The following SLC12A6 variants were observed in gnomAD, a reference collection of about 807,000 sequenced individuals.
The protein encoded by SLC12A6 is solute carrier family 12 member 6.
In SLC12A6, 66 loss-of-function variants were observed where a neutral mutation model predicts 135.3. The ratio of observed to expected loss-of-function variants is 0.49; its 90% CI spans 0.40 to 0.60. The LOEUF is 0.60. Among genes scored for constraint, SLC12A6 ranks in the 20% least tolerant of loss-of-function variants. The pLI, the probability that SLC12A6 is intolerant of heterozygous loss-of-function variation, is 0.00. For missense variants in SLC12A6, 1,058 were observed against 1,452.3 expected, an observed-to-expected ratio of 0.73 and a Z score of 4.41; for synonymous variants, 513 against 508.8, an observed-to-expected ratio of 1.01 and a Z score of -0.11.
intron 2 of SLC12A6, among the ~76,000 whole-genome samples, chr15:34,306,099 T>C (rs935829789): frequency 3.3e-5 from 5 of 152,296 alleles, no homozygotes; most frequent in Admixed American, 2.0e-4. Context: ...AATATATTGT[T>C]TATTCTAAGT....
intron 3 of SLC12A6, among the ~76,000 whole-genome samples, chr15:34,271,602 T>TACACACACACACACACACACACAC (rs10588100): frequency 6.7e-6 from 1 of 148,826 alleles, no homozygotes; most frequent in Non-Finnish European, 1.5e-5. Flanking sequence ...AGTGCAAAGC[T>TACACACACACACACACACACACAC]ACACACACAC....
intron 2 of SLC12A6, among the ~76,000 whole-genome samples, chr15:34,319,796 C>T (rs1160036242): frequency 7.1e-6 from 1 of 141,628 alleles, no homozygotes; most frequent in Non-Finnish European, 1.5e-5. Context: ...GAGACTCTGT[C>T]TAAAAAAAAA....
chr15:34,235,431 A>ATTT (rs371322623), intron 24 of SLC12A6, 117 bp from the exon 25 acceptor site: 447 of 502,658 alleles, frequency 8.9e-4, no homozygotes, highest in East Asian at 3.1e-3. Flanking sequence ...TGATAAAATG[A>ATTT]TTTTTTTTTT....
chr15:34,265,534 G>A (rs74815503), intron 3 of SLC12A6, among the ~76,000 whole-genome samples: 1,832 of 152,198 alleles, frequency 0.012, 15 homozygotes, highest in Middle Eastern at 0.037. Flanking sequence ...GGGGAATGAC[G>A]ACTTCATGTA....
chr15:34,243,399 A>G (rs1169646955), intron 16 of SLC12A6, among the ~76,000 whole-genome samples: 1 of 152,192 alleles, frequency 6.6e-6, no homozygotes, highest in Non-Finnish European at 1.5e-5. Context: ...CTGAGCTATA[A>G]GAGGAAAGAG....
intron 2 of SLC12A6, among the ~76,000 whole-genome samples, chr15:34,328,399 C>T (rs1396948298): frequency 4.6e-5 from 7 of 152,146 alleles, no homozygotes; most frequent in African/African-American, 1.7e-4. Context: ...GTAAGACGCA[C>T]CTGAATATCA....
chr15:34,317,426 G>A (rs752330251), intron 2 of SLC12A6, among the ~76,000 whole-genome samples: 1 of 152,184 alleles, frequency 6.6e-6, no homozygotes, highest in Non-Finnish European at 1.5e-5. Context: ...CTTTGAGGCC[G>A]GACGCAGTGG....
chr15:34,248,249 A>G (rs1017943132), intron 13 of SLC12A6, among the ~76,000 whole-genome samples: 50 of 152,262 alleles, frequency 3.3e-4, no homozygotes, highest in African/African-American at 1.2e-3. Context: ...AATACTTATG[A>G]AGAGAAAATG....
At chr15:34,303,975 T>G (rs1566854988) in intron 2 of SLC12A6, among the ~76,000 whole-genome samples, 1 of 152,228 alleles carries the variant, frequency 6.6e-6, no homozygotes, top group Non-Finnish European at 1.5e-5. Flanking sequence ...CTTAATATAG[T>G]CACACTGTTG....
intron 25 of SLC12A6, among the ~76,000 whole-genome samples, chr15:34,234,515 G>A (rs1466133206): frequency 1.3e-5 from 2 of 152,104 alleles, no homozygotes; most frequent in Non-Finnish European, 2.9e-5. Flanking sequence ...GGGATTACAG[G>A]CACCTGCTAC....
intron 9 of SLC12A6, among the ~76,000 whole-genome samples, chr15:34,254,142 A>G (rs533193476): frequency 6.6e-6 from 1 of 152,360 alleles, no homozygotes; most frequent in Admixed American, 6.5e-5. Context: ...TACTAGTTCT[A>G]TGCTTAGGAC....
At chr15:34,329,713 A>T (rs187143508) in intron 2 of SLC12A6, among the ~76,000 whole-genome samples, 2 of 152,132 alleles carry the variant, frequency 1.3e-5, no homozygotes, top group Non-Finnish European at 2.9e-5. Context: ...CTTTAATTGT[A>T]ATTTAACCTT....
chr15:34,319,574 G>A lies in SLC12A6; in HGVS notation c.271+16836C>T, dbSNP rs183114907. The stretch of plus-strand genomic sequence containing the variant: ...AACACTTTGGGAGGCCAAGGTGGGC[G>A]GGTCACCTGAGGTCAGGAGTTCAAG... On this transcript the variant is annotated intron_variant, in intron 2 of 25. Coordinates refer to ENST00000354181, the MANE Select transcript of SLC12A6 (RefSeq NM_001365088.1). Among the ~76,000 whole-genome samples, 30 of 152,054 alleles carry A rather than the reference G, an allele frequency of 2.0e-4. No individual in the cohort carries two copies. In the East Asian group the frequency reaches 3.7e-3, roughly 19 times the overall value.
chr15:34,306,537 T>C (rs1273303507), intron 2 of SLC12A6, among the ~76,000 whole-genome samples: 1 of 152,166 alleles, frequency 6.6e-6, no homozygotes, highest in Non-Finnish European at 1.5e-5. Flanking sequence ...ACACAGCCCA[T>C]GGCCTCAATT....
intron 2 of SLC12A6, among the ~76,000 whole-genome samples, chr15:34,291,838 C>A (rs1436333762): frequency 2.0e-5 from 3 of 152,182 alleles, no homozygotes; most frequent in South Asian, 4.1e-4. Context: ...TCCATCATGT[C>A]ATTTAAGCTC....
At chr15:34,239,421 T>A (rs192945888) in intron 19 of SLC12A6, among the ~76,000 whole-genome samples, 112 of 152,340 alleles carry the variant, frequency 7.4e-4, no homozygotes, top group African/African-American at 2.5e-3. Flanking sequence ...CTTTTGTTCC[T>A]TTGCACCATA....
intron 23 of SLC12A6, 120 bp from the exon 24 acceptor site, chr15:34,236,319 T>A: frequency 1.3e-6 from 1 of 792,188 alleles, no homozygotes; most frequent in South Asian, 1.5e-5. Flanking sequence ...AAGGAATTTG[T>A]CATCCTTGAA....
At chr15:34,303,880 A>G (rs1426075782) in intron 2 of SLC12A6, among the ~76,000 whole-genome samples, 1 of 152,226 alleles carries the variant, frequency 6.6e-6, no homozygotes, top group African/African-American at 2.4e-5. Flanking sequence ...AATTCATTAT[A>G]AATTACCCAG....
intron 2 of SLC12A6, among the ~76,000 whole-genome samples, chr15:34,323,430 T>C (rs1047363348): frequency 2.0e-5 from 3 of 152,282 alleles, no homozygotes; most frequent in Middle Eastern, 3.4e-3. Context: ...CCGCCTCCTG[T>C]CGGATCAGCG....
Sources: allele counts gnomAD v4.1 joint callset (sites outside exome capture counted in the v4.1 genomes callset), GRCh38; gene constraint gnomAD v4.1.1; transcripts MANE v1.5; gene names NCBI Gene and HGNC (gene_info 2026-07-23, HGNC 2026-07-21).